ARSF: variants seen among roughly 807,000 people sequenced by gnomAD.
ARSF encodes arylsulfatase F.
ARSF carries 33 observed loss-of-function variants against 35.4 expected under a neutral mutation model. The ratio of observed to expected loss-of-function variants is 0.93; its 90% CI spans 0.71 to 1.25. ARSF has a LOEUF of 1.25. Among genes scored for constraint, ARSF ranks in the 50% most tolerant of loss-of-function variants. ARSF has a pLI of 0.00. For missense variants in ARSF, 501 were observed against 480.2 expected (o/e 1.04, Z -0.40); for synonymous variants, 222 against 193.1 (o/e 1.15, Z -1.24).
chrX:3,083,504 A>G (rs1407394989), intron 5 of ARSF, among the ~76,000 whole-genome samples: 1 of 58,118 alleles, frequency 1.7e-5, no homozygotes, highest in African/African-American at 7.5e-5. Context: ...CTATCTATCT[A>G]TCTATCTATC....
chrX:3,047,256 G>A (rs1440636953), intron 1 of ARSF, among the ~76,000 whole-genome samples: 1 of 109,372 alleles, frequency 9.1e-6, no homozygotes, highest in African/African-American at 3.3e-5. Context: ...TCAGCTCATC[G>A]CAACCTCCAC....
rs747896621 is a variant in ARSF, at chrX:3,070,701, A to G, written c.12-1325A>G. ...CCCTGAGCAGTGTACACTGCACACA[A>G]TGTGCGGTCTTTGATCCCTCACTCC... On this transcript the variant is annotated intron_variant, in intron 2 of 10. Transcript: ENST00000381127. Among the ~76,000 whole-genome samples, 12 of 111,164 alleles carry G rather than the reference A, an allele frequency of 1.1e-4. No homozygotes were observed. In the South Asian group the frequency reaches 4.6e-3, roughly 43 times the overall value.
chrX:3,056,954 A>G (rs2090020960), intron 1 of ARSF, among the ~76,000 whole-genome samples: 1 of 111,236 alleles, frequency 9.0e-6, no homozygotes, highest in South Asian at 3.9e-4. Context: ...CTGCTGAGAG[A>G]GGAGCTATTC....
chrX:3,083,238 CATCT>C (rs940586432), intron 5 of ARSF, among the ~76,000 whole-genome samples: 4 of 111,415 alleles, frequency 3.6e-5, no homozygotes, highest in Non-Finnish European at 7.5e-5. Context: ...ATATTTATCA[CATCT>C]ATCTCTCTAT....
At chrX:3,080,771 G>A (rs113654711) in intron 4 of ARSF, 120 bp from the exon 5 acceptor site, 31,570 of 896,730 alleles carry the variant, frequency 0.035, 466 homozygotes, top group Non-Finnish European at 0.043. Context: ...CCTCCTAAAA[G>A]CCCTACCTCC....
At chrX:3,092,932 G>C (rs1289180502) in intron 7 of ARSF, among the ~76,000 whole-genome samples, 1 of 112,006 alleles carries the variant, frequency 8.9e-6, no homozygotes, top group African/African-American at 3.2e-5. Context: ...CAGCACTTTG[G>C]GAGGCCAAGG....
At chrX:3,057,945 C>G (rs181559261) in intron 1 of ARSF, among the ~76,000 whole-genome samples, 1 of 111,781 alleles carries the variant, frequency 8.9e-6, no homozygotes, top group Non-Finnish European at 1.9e-5. Context: ...CACCTTACCC[C>G]GACAACCACT....
intron 1 of ARSF, among the ~76,000 whole-genome samples, chrX:3,059,731 G>T (rs1673997553): frequency 8.9e-6 from 1 of 112,633 alleles, no homozygotes; most frequent in Non-Finnish European, 1.9e-5. Context: ...GCCTGGCTGG[G>T]GGGGTGGGCA....
intron 6 of ARSF, among the ~76,000 whole-genome samples, chrX:3,085,434 CA>C (rs1017974129): frequency 6.8e-5 from 7 of 103,167 alleles, no homozygotes; most frequent in Admixed American, 2.2e-4. Context: ...TGTTAAAAAA[CA>C]AAAAAAAAGC....
At chrX:3,076,298 T>C (rs909885990) in intron 3 of ARSF, among the ~76,000 whole-genome samples, 1 of 104,996 alleles carries the variant, frequency 9.5e-6, no homozygotes, top group Non-Finnish European at 1.9e-5. Flanking sequence ...TTTCTGTTTT[T>C]CTCTTTCTAT....
intron 1 of ARSF, among the ~76,000 whole-genome samples, chrX:3,067,042 G>T (rs1212625336): frequency 9.2e-6 from 1 of 108,787 alleles, no homozygotes. Flanking sequence ...ATTTTAGTGT[G>T]AGCAAGTTTC....
intron 1 of ARSF, among the ~76,000 whole-genome samples, chrX:3,055,859 C>T (rs2090015910): frequency 9.0e-6 from 1 of 111,411 alleles, no homozygotes; most frequent in African/African-American, 3.3e-5. Flanking sequence ...CTTTCCCTGA[C>T]CAATGCTCCC....
At chrX:3,102,165 C>T (rs2090380946) in intron 8 of ARSF, among the ~76,000 whole-genome samples, 1 of 110,924 alleles carries the variant, frequency 9.0e-6, no homozygotes, top group Non-Finnish European at 1.9e-5. Context: ...TTTGGGGTTA[C>T]AGGTGGTTTT....
intron 4 of ARSF, among the ~76,000 whole-genome samples, chrX:3,079,224 A>G (rs1343763861): frequency 8.9e-6 from 1 of 111,781 alleles, no homozygotes; most frequent in African/African-American, 3.3e-5. Flanking sequence ...GAATACAACT[A>G]TGAACATACA....
chrX:3,074,523 G>T (rs1173438755), intron 3 of ARSF, among the ~76,000 whole-genome samples: 6 of 110,959 alleles, frequency 5.4e-5, no homozygotes, highest in African/African-American at 2.0e-4. Flanking sequence ...CCAGCCTCCA[G>T]AAATCTCTTG....
At chrX:3,090,476 C>T (rs901088059) in intron 7 of ARSF, among the ~76,000 whole-genome samples, 1 of 111,462 alleles carries the variant, frequency 9.0e-6, no homozygotes, top group African/African-American at 3.3e-5. Flanking sequence ...TGAGACCAGC[C>T]TGGACAACAT....
chrX:3,100,943 A>T, intron 7 of ARSF, 144 bp from the exon 8 acceptor site: 1 of 530,617 alleles, frequency 1.9e-6, no homozygotes, highest in South Asian at 4.2e-5. Context: ...TTAAACTGTT[A>T]ATGCACATTT....
At chrX:3,105,084 A>G (rs1182846179) in intron 9 of ARSF, among the ~76,000 whole-genome samples, 1 of 112,085 alleles carries the variant, frequency 8.9e-6, no homozygotes, top group Non-Finnish European at 1.9e-5. Flanking sequence ...GATGGGTTAG[A>G]ACCGCAGCTA....
intron 7 of ARSF, among the ~76,000 whole-genome samples, chrX:3,091,851 A>G (rs976463308): frequency 9.0e-6 from 1 of 110,591 alleles, no homozygotes; most frequent in Non-Finnish European, 1.9e-5. Context: ...AGGTAGATAG[A>G]TAGATGATGG....
Sources: gnomAD v4.1 joint callset for allele counts (sites outside exome capture counted in the v4.1 genomes callset) on GRCh38, gnomAD v4.1.1 for gene constraint, MANE v1.5 for transcripts, NCBI Gene and HGNC (gene_info 2026-07-23, HGNC 2026-07-21) for gene names.